MDGA2: variants seen among roughly 807,000 people sequenced by gnomAD.
MDGA2 encodes the protein MAM domain containing glycosylphosphatidylinositol anchor 2.
Under a neutral mutation model 117.8 loss-of-function variants are expected in MDGA2, and 40 were observed. The observed-to-expected ratio is 0.34, with a 90% CI of 0.26 to 0.44. The LOEUF (loss-of-function observed/expected upper bound fraction) is 0.44, where lower values mean the gene tolerates loss of function less well. Among genes scored for constraint, MDGA2 ranks in the 20% least tolerant of loss-of-function variants. The probability of loss-of-function intolerance (pLI) is 1.00; values close to 1 mark genes in which losing one functional copy is unlikely to be tolerated. For synonymous variants in MDGA2, 452 were observed against 439.0 expected, an observed-to-expected ratio of 1.03 and a Z score of -0.37; for missense variants, 1,123 against 1,250.6, an observed-to-expected ratio of 0.90 and a Z score of 1.54.
At chr14:47,256,733 A>G (rs1887632402) in intron 2 of MDGA2, among the ~76,000 whole-genome samples, 1 of 152,106 alleles carries the variant, frequency 6.6e-6, no homozygotes, top group Non-Finnish European at 1.5e-5. Context: ...ATCGAATAAC[A>G]CTTTTTATTA....
chr14:47,510,396 G>A (rs1402776043), intron 1 of MDGA2, among the ~76,000 whole-genome samples: 1 of 152,164 alleles, frequency 6.6e-6, no homozygotes, highest in African/African-American at 2.4e-5. Flanking sequence ...GAGAACTAAA[G>A]AGAGTTCTCC....
chr14:47,503,035 T>C (rs895587498), intron 1 of MDGA2, among the ~76,000 whole-genome samples: 3 of 152,162 alleles, frequency 2.0e-5, no homozygotes, highest in African/African-American at 7.2e-5. Context: ...TCAGAAAAAG[T>C]TTAAACACAC....
intron 15 of MDGA2, among the ~76,000 whole-genome samples, chr14:46,854,005 C>G (rs1428721142): frequency 1.3e-5 from 2 of 151,570 alleles, no homozygotes; most frequent in African/African-American, 4.8e-5. Flanking sequence ...AGATAATTAG[C>G]CAGTCTTACT....
chr14:46,955,555 C>G (rs964354820), intron 9 of MDGA2, among the ~76,000 whole-genome samples: 2 of 152,062 alleles, frequency 1.3e-5, no homozygotes, highest in African/African-American at 4.8e-5. Context: ...AAACTATTTT[C>G]ACACCCCTTC....
intron 1 of MDGA2, among the ~76,000 whole-genome samples, chr14:47,373,192 T>C (rs980307047): frequency 1.1e-4 from 17 of 152,116 alleles, no homozygotes; most frequent in African/African-American, 4.1e-4. Context: ...GAGAGATTTT[T>C]AATTGTTTTA....
rs1270159870 is a variant in MDGA2 at position 47,675,373 on chromosome 14, C to A, written c.-577G>T. ...AAGAGGAGGAGTGGGGCTAGGGGAA[C>A]GGGGGTGGGGAAGAGGGAAGGGAGG... On this transcript the variant is annotated 5_prime_UTR_variant, in exon 1 of 17. Coordinates refer to ENST00000399232, the MANE Select transcript of MDGA2 (RefSeq NM_001113498.3). Among the ~76,000 whole-genome samples the A allele has an allele frequency of 2.2e-4, 15 of 69,482 alleles. No homozygotes were observed. In the East Asian group the frequency reaches 4.5e-3, roughly 21 times the overall value. 45.6% of individuals were successfully genotyped at this position (69,482 alleles called of 152,430 possible). A position where few individuals can be genotyped will look rare whatever the true frequency, so the allele number is the denominator to read the frequency against.
rs1286020141 is a variant in MDGA2 at position 47,675,403 on chromosome 14, G to C, written c.-607C>G. ...GTGGGGAAGAGGGAAGGGAGGAGGGGGAAGAAGGAGGAGGAAAGGGTCCAA... is the reference window on the plus strand; with the variant it reads ...GTGGGGAAGAGGGAAGGGAGGAGGGCGAAGAAGGAGGAGGAAAGGGTCCAA... On this transcript the variant is annotated 5_prime_UTR_variant, in exon 1 of 17. Coordinates refer to ENST00000399232, the MANE Select transcript of MDGA2 (RefSeq NM_001113498.3). Among the ~76,000 whole-genome samples, 3 of 151,930 alleles carry C rather than the reference G, an allele frequency of 2.0e-5. No individual in the cohort carries two copies. Among genetic ancestry groups the C allele is most frequent in the African/African-American group, 4.8e-5 (2 of 41,374 alleles).
At chr14:47,640,874 G>C (rs1265780380) in intron 1 of MDGA2, among the ~76,000 whole-genome samples, 7 of 152,206 alleles carry the variant, frequency 4.6e-5, no homozygotes, top group Admixed American at 3.3e-4. Flanking sequence ...CCCAGTGTAA[G>C]GCTGATAAAG....
At chr14:47,069,352 A>G (rs771192702) in intron 6 of MDGA2, among the ~76,000 whole-genome samples, 2 of 152,190 alleles carry the variant, frequency 1.3e-5, no homozygotes, top group South Asian at 2.1e-4. Flanking sequence ...ACTGGCCTCT[A>G]TAACTGGTAG....
At chr14:47,096,639 G>A (rs1034344227) in intron 6 of MDGA2, among the ~76,000 whole-genome samples, 5 of 151,932 alleles carry the variant, frequency 3.3e-5, no homozygotes, top group African/African-American at 1.2e-4. Context: ...AATATGTTAT[G>A]AAAGCTATTC....
intron 1 of MDGA2, among the ~76,000 whole-genome samples, chr14:47,385,068 C>G (rs983589326): frequency 2.0e-5 from 3 of 152,114 alleles, no homozygotes; most frequent in Admixed American, 6.6e-5. Context: ...AGCAGCCAAA[C>G]AGTCTATGAG....
At chr14:47,095,660 G>T (rs190050707) in intron 6 of MDGA2, among the ~76,000 whole-genome samples, 172 of 151,794 alleles carry the variant, frequency 1.1e-3, no homozygotes, top group Non-Finnish European at 1.9e-3. Context: ...AATAAATATT[G>T]TATGGTATAC....
chr14:47,638,169 G>C (rs908064927), intron 1 of MDGA2, among the ~76,000 whole-genome samples: 7 of 152,148 alleles, frequency 4.6e-5, no homozygotes, highest in African/African-American at 1.7e-4. Flanking sequence ...GAATACACGT[G>C]TGCATTATGG....
chr14:47,172,104 A>G (rs1200991455), intron 3 of MDGA2, among the ~76,000 whole-genome samples: 1 of 152,264 alleles, frequency 6.6e-6, no homozygotes, highest in Admixed American at 6.5e-5. Context: ...AGGGGCACCC[A>G]CCATAGCCCA....
chr14:47,101,074 A>ATGATAGAT (rs1443694996), intron 5 of MDGA2, among the ~76,000 whole-genome samples: 13 of 129,106 alleles, frequency 1.0e-4, no homozygotes, highest in Admixed American at 2.4e-4. Context: ...GAATGGAGGG[A>ATGATAGAT]CGATAGATAG....
At position 47,675,308 on chromosome 14, in the gene MDGA2, GGAGAGGAGGAAGAGGA is replaced by G. The variant is rs986741790; in HGVS notation, c.-528_-513del. 9.4e-4 allele frequency among the ~76,000 whole-genome samples: 134 copies of G among 141,948 alleles called. 1 individual carries two copies. Among genetic ancestry groups the G allele is most frequent in the Non-Finnish European group, 3.2e-4 (21 of 65,544 alleles). The allele number at this position is 141,948 out of a possible 152,430, so 93.1% of individuals were successfully genotyped here. A position where few individuals can be genotyped will look rare whatever the true frequency, so the allele number is the denominator to read the frequency against. On this transcript the variant is annotated 5_prime_UTR_variant, in exon 1 of 17. Coordinates refer to ENST00000399232, the MANE Select transcript of MDGA2 (RefSeq NM_001113498.3). ...GATACAGACTCGCATCGCCGAACGG[GGAGAGGAGGAAGAGGA>G]GGAGGAGGAAGAGGAGGAGGAGGAA... is the stretch of plus-strand genomic sequence containing the variant.
chr14:47,177,926 C>G (rs113812619), intron 3 of MDGA2, among the ~76,000 whole-genome samples: 2,010 of 151,950 alleles, frequency 0.013, 51 homozygotes, highest in African/African-American at 0.045. Context: ...TGTTGAGGAA[C>G]AAAGGTTAAT....
At chr14:47,533,222 T>G (rs768678010) in intron 1 of MDGA2, among the ~76,000 whole-genome samples, 1 of 152,208 alleles carries the variant, frequency 6.6e-6, no homozygotes, top group South Asian at 2.1e-4. Context: ...ATCAGGGTGC[T>G]GGAGGAAGGA....
At chr14:47,654,577 C>A (rs2138277217) in intron 1 of MDGA2, among the ~76,000 whole-genome samples, 1 of 152,106 alleles carries the variant, frequency 6.6e-6, no homozygotes, top group South Asian at 2.1e-4. Flanking sequence ...AACTTTGGAA[C>A]CAATTCTGAA....
Sources: allele counts gnomAD v4.1 joint callset (sites outside exome capture counted in the v4.1 genomes callset), GRCh38; gene constraint gnomAD v4.1.1; transcripts MANE v1.5; gene names NCBI Gene and HGNC (gene_info 2026-07-23, HGNC 2026-07-21).